AGAP1: variants seen among roughly 807,000 people sequenced by gnomAD.
The protein encoded by AGAP1 is arf-GAP with GTPase, ANK repeat and PH domain-containing protein 1.
In AGAP1, 29 loss-of-function variants were observed where a neutral mutation model predicts 105.3. The ratio of observed to expected loss-of-function variants is 0.28; its 90% CI spans 0.21 to 0.38. The LOEUF (loss-of-function observed/expected upper bound fraction) is 0.38. AGAP1 is among the 10% of genes least tolerant of loss of function. The pLI, the probability that AGAP1 is intolerant of heterozygous loss-of-function variation, is 1.00. For synonymous variants in AGAP1, 509 were observed against 485.9 expected, an observed-to-expected ratio of 1.05 and a Z score of -0.63; for missense variants, 998 against 1,165.1, an observed-to-expected ratio of 0.86 and a Z score of 2.09.
chr2:236,052,545 C>T (rs758126207), intron 16 of AGAP1, among the ~76,000 whole-genome samples: 9 of 152,262 alleles, frequency 5.9e-5, no homozygotes, highest in East Asian at 1.9e-4. Context: ...TGAGAACTGC[C>T]GTTCAAACTT....
rs184454182 is a variant in AGAP1 at position 235,508,257 on chromosome 2, G to T, written c.163+13408G>T. On this transcript the variant is annotated intron_variant, in intron 1 of 17. Coordinates refer to ENST00000304032, the MANE Select transcript of AGAP1 (RefSeq NM_001037131.3). ...ACAGTGAACACACAACTAACTGCGT[G>T]TGTCTTTATATAGACACAATAGAAC... Among the ~76,000 whole-genome samples, 189 of 152,300 alleles carry T rather than the reference G, an allele frequency of 1.2e-3. 1 individual carries two copies. Among genetic ancestry groups the T allele is most frequent in the African/African-American group, 4.2e-3 (174 of 41,556 alleles).
chr2:236,079,283 G>T (rs1202012955), intron 16 of AGAP1, among the ~76,000 whole-genome samples: 2 of 146,882 alleles, frequency 1.4e-5, no homozygotes, highest in African/African-American at 2.6e-5. Context: ...ACTTTGGGAG[G>T]CCAAGCGGGA....
rs970791183 is a variant in AGAP1 at position 236,027,247 on chromosome 2, A to G, written c.1646-9314A>G. ...GGGTATTCACCTATTACCCTCCCTC[A>G]AAATAAAAAATGAAGCCACCTAAAG... On this transcript the variant is annotated intron_variant, in intron 13 of 17. Transcript: ENST00000304032. The surrounding 1 kb of genome is among the most constrained non-coding windows in gnomAD (Gnocchi z 4.4). Among the ~76,000 whole-genome samples the G allele has an allele frequency of 1.3e-5, 2 of 152,116 alleles. No individual in the cohort carries two copies. Among genetic ancestry groups the G allele is most frequent in the Admixed American group, 6.5e-5 (1 of 15,276 alleles).
At chr2:236,110,528 A>G (rs1248703158) in intron 16 of AGAP1, among the ~76,000 whole-genome samples, 1 of 152,062 alleles carries the variant, frequency 6.6e-6, no homozygotes, top group African/African-American at 2.4e-5. Context: ...GCGCCACTGC[A>G]CTCTAGTCTG....
In AGAP1 at chr2:235,904,834, G is replaced by T. The variant is rs1201637865; in HGVS notation, c.1156-3904G>T. On this transcript the variant is annotated intron_variant, in intron 10 of 17. Coordinates refer to ENST00000304032, the MANE Select transcript of AGAP1 (RefSeq NM_001037131.3). This position sits in a 1 kb window ranked among gnomAD's most constrained non-coding sequence, Gnocchi z 4.2. ...GAGGAACTTGAAGCCACAGATACAT[G>T]TGTCTTTATCTCCCACCTGTGTGTG... Among the ~76,000 whole-genome samples, 1 of 152,220 alleles carries T rather than the reference G, an allele frequency of 6.6e-6. No individual in the cohort carries two copies. Among genetic ancestry groups the T allele is most frequent in the African/African-American group, 2.4e-5 (1 of 41,456 alleles).
chr2:235,862,866 G>C (rs1218559445), intron 9 of AGAP1, among the ~76,000 whole-genome samples: 1 of 152,154 alleles, frequency 6.6e-6, no homozygotes, highest in African/African-American at 2.4e-5. Context: ...TGCGTGCATT[G>C]AGACTGTTTG....
chr2:235,807,437 T>C, intron 9 of AGAP1, 106 bp downstream of exon 9: 1 of 953,486 alleles, frequency 1.0e-6, no homozygotes, highest in Non-Finnish European at 1.5e-6. Flanking sequence ...TGTGCTCTGT[T>C]GATGAATGTA....
chr2:236,057,804 A>G (rs932036598), intron 16 of AGAP1, among the ~76,000 whole-genome samples: 1 of 152,106 alleles, frequency 6.6e-6, no homozygotes, highest in African/African-American at 2.4e-5. Flanking sequence ...TCATTTTTCC[A>G]CCCACTTAAT....
intron 16 of AGAP1, among the ~76,000 whole-genome samples, chr2:236,112,042 A>G (rs1179048834): frequency 6.6e-6 from 1 of 152,158 alleles, no homozygotes; most frequent in East Asian, 1.9e-4. Context: ...CAGGACCTGT[A>G]ACACCAAGAC....
intron 1 of AGAP1, among the ~76,000 whole-genome samples, chr2:235,495,834 C>G (rs1266986787): frequency 1.3e-5 from 2 of 152,256 alleles, no homozygotes; most frequent in African/African-American, 4.8e-5. Flanking sequence ...CACAGTTGAT[C>G]AGCACTTTCT....
At chr2:235,894,633 G>GCACATGTACACACACA (rs144532116) in intron 10 of AGAP1, among the ~76,000 whole-genome samples, 1 of 147,042 alleles carries the variant, frequency 6.8e-6, no homozygotes, top group Admixed American at 6.6e-5. Flanking sequence ...ACATGCACAT[G>GCACATGTACACACACA]TACACACACA....
chr2:235,912,704 C>T (rs960572719), intron 11 of AGAP1, among the ~76,000 whole-genome samples: 1 of 152,190 alleles, frequency 6.6e-6, no homozygotes. Flanking sequence ...GTTCTTGATA[C>T]ACATTTCCAA....
At chr2:235,809,474 C>T (rs534442404) in intron 9 of AGAP1, among the ~76,000 whole-genome samples, 1 of 152,232 alleles carries the variant, frequency 6.6e-6, no homozygotes, top group East Asian at 1.9e-4. Context: ...AAAGTGCCCC[C>T]GTGGCCAGCT....
rs1432399027 is a variant in AGAP1 at position 235,971,723 on chromosome 2, C to G, written c.1645+3100C>G. 1.3e-5 allele frequency among the ~76,000 whole-genome samples: 2 copies of G among 149,206 alleles called. No homozygotes were observed. The highest frequency in any genetic ancestry group is 1.9e-4 in the East Asian group (1 of 5,178). ...AAAAAATCTGTTCTTGAAACTAAAG[C>G]TAGTTATATATGTTTTATTTTATTT... On this transcript the variant is annotated intron_variant, in intron 13 of 17. Transcript: ENST00000304032. The surrounding 1 kb of genome is among the most constrained non-coding windows in gnomAD (Gnocchi z 4.8).
At chr2:235,847,553 A>T (rs1961648316) in intron 9 of AGAP1, among the ~76,000 whole-genome samples, 1 of 152,220 alleles carries the variant, frequency 6.6e-6, no homozygotes, top group East Asian at 1.9e-4. Flanking sequence ...TTATCGTAAA[A>T]CTGTTCTAGC....
chr2:235,629,456 C>T (rs930385055), intron 1 of AGAP1, among the ~76,000 whole-genome samples: 10 of 151,936 alleles, frequency 6.6e-5, no homozygotes, highest in East Asian at 3.9e-4. Flanking sequence ...AGTCAGACAC[C>T]GTAGACCAAG....
intron 1 of AGAP1, among the ~76,000 whole-genome samples, chr2:235,571,932 T>TTGTGTGTG (rs141898525): frequency 0.061 from 6,340 of 103,548 alleles, 425 homozygotes; most frequent in East Asian, 0.24. Context: ...TGCCCACACT[T>TTGTGTGTG]TGTGTGTGTG....
rs1953566113 is a variant in AGAP1, at chr2:235,752,852, A to T, written c.673+2364A>T. ...GCCTTTGTACGTTCTGGCTGCTCTA[A>T]CAAGACCCAGTGGCTTATACAACAG... is the stretch of plus-strand genomic sequence containing the variant. On this transcript the variant is annotated intron_variant, in intron 6 of 17. Transcript: ENST00000304032. The surrounding 1 kb of genome is among the most constrained non-coding windows in gnomAD (Gnocchi z 4.3). Among the ~76,000 whole-genome samples the T allele has an allele frequency of 6.6e-6, 1 of 152,180 alleles. No homozygotes were observed. The highest frequency in any genetic ancestry group is 6.5e-5 in the Admixed American group (1 of 15,272).
intron 12 of AGAP1, among the ~76,000 whole-genome samples, chr2:235,944,460 C>T (rs552177043): frequency 6.6e-6 from 1 of 152,272 alleles, no homozygotes; most frequent in Admixed American, 6.5e-5. Flanking sequence ...GAATTATTTC[C>T]TATGCAAAAT....
Sources: allele counts gnomAD v4.1 joint callset (sites outside exome capture counted in the v4.1 genomes callset), GRCh38; gene constraint gnomAD v4.1.1; non-coding constraint Gnocchi (gnomAD v3.1); transcripts MANE v1.5; gene names NCBI Gene and HGNC (gene_info 2026-07-23, HGNC 2026-07-21).